CCNG1: variants seen among roughly 807,000 people sequenced by gnomAD.
CCNG1 encodes the protein cyclin-G1.
In CCNG1, 13 loss-of-function variants were observed where a neutral mutation model predicts 30.0. The observed-to-expected ratio is 0.43, with a 90% CI of 0.28 to 0.69. The LOEUF is 0.69. Ranked by LOEUF, CCNG1 falls within the 30% of genes least tolerant of loss-of-function variation. The probability of loss-of-function intolerance (pLI) is 0.16; values close to 1 mark genes in which losing one functional copy is unlikely to be tolerated. For missense variants in CCNG1, 285 were observed against 331.4 expected (o/e 0.86, Z 1.09); for synonymous variants, 110 against 121.5 (o/e 0.91, Z 0.62).
At position 163,437,726 on chromosome 5, in the gene CCNG1, C is replaced by G. The variant is rs1307906821; in HGVS notation, c.-79C>G. ...ACGAGTCCCCTCTCCTCGTAGGCCT[C>G]TCGGATCTGATATCGTGGGGTGAGG... On this transcript the variant is annotated 5_prime_UTR_variant, in exon 1 of 7. Transcript: ENST00000340828. 6.6e-6 allele frequency: 1 copy of G among 152,370 alleles called. No individual in the cohort carries two copies. The highest frequency in any genetic ancestry group is 1.5e-5 in the Non-Finnish European group (1 of 68,204). 9.4% of individuals were successfully genotyped at this position (152,370 alleles called of 1,614,324 possible). A position where few individuals can be genotyped will look rare whatever the true frequency, so the allele number is the denominator to read the frequency against.
chr5:163,442,253 G>T (rs1020933951), intron 5 of CCNG1, 110 bp downstream of exon 5: 2 of 1,076,014 alleles, frequency 1.9e-6, no homozygotes, highest in Non-Finnish European at 2.7e-6. Flanking sequence ...AACTTAAGTA[G>T]CTATCCTCAA....
At chr5:163,447,956 A>G (rs1758080922), downstream of CCNG1, 2 of 152,172 alleles carry the variant, frequency 1.3e-5, no homozygotes, top group Non-Finnish European at 2.9e-5. Flanking sequence ...TTTACTAAAC[A>G]AGAAAAAGTT....
At chr5:163,441,998 T>A (rs767941684) in intron 4 of CCNG1, 34 bp downstream of exon 4, 1 of 1,580,428 alleles carries the variant, frequency 6.3e-7, no homozygotes, top group Non-Finnish European at 8.7e-7. Flanking sequence ...CCTATTGATA[T>A]GATCTGTTTT....
At chr5:163,457,120 T>G in the CCNG1 span, 63 of 1,530,176 alleles carry the variant, frequency 4.1e-5, no homozygotes, top group Non-Finnish European at 5.4e-5. Context: ...ACAAATAAAT[T>G]AGAGTTCTTC....
chr5:163,455,683 G>T, the CCNG1 span, among the ~76,000 whole-genome samples: 1 of 150,962 alleles, frequency 6.6e-6, no homozygotes, highest in African/African-American at 2.4e-5. Flanking sequence ...AGACTGGCGG[G>T]AATCCGGGAG....
rs1226407354 is a variant in CCNG1 at position 163,439,359 on chromosome 5, A to G, written c.103A>G (p.Arg35Gly). 1.2e-6 allele frequency: 2 copies of G among 1,614,064 alleles called. No homozygotes were observed. The highest frequency in any genetic ancestry group is 1.7e-6 in the Non-Finnish European group (2 of 1,180,032). Residue 35 changes from arginine (R) to glycine (G), a missense_variant, in exon 2 of 7, where the codon AGA becomes GGA. Arg to Gly is a moderately radical substitution (Grantham distance 125). Coordinates refer to ENST00000340828, the MANE Select transcript of CCNG1 (RefSeq NM_004060.4). ...ATGTCAGCCAAAGGTCTGTGGTTTGAGACTAATTGAGTCTGCACACGATAA... is the reference window on the plus strand; with the variant it reads ...ATGTCAGCCAAAGGTCTGTGGTTTGGGACTAATTGAGTCTGCACACGATAA... ...SRCQPKVCGL[R>G]LIESAHDNGL...
At chr5:163,448,844 C>T (rs1014134924), downstream of CCNG1, 2 of 152,112 alleles carry the variant, frequency 1.3e-5, no homozygotes, top group African/African-American at 4.8e-5. Context: ...ATGATTTTAA[C>T]AGTCTAAACA....
chr5:163,440,709 A>C (rs551921006), intron 2 of CCNG1, among the ~76,000 whole-genome samples: 2 of 152,310 alleles, frequency 1.3e-5, no homozygotes, highest in East Asian at 3.9e-4. Context: ...GAAATGGCTT[A>C]TTTTGTAAAT....
At position 163,441,106 on chromosome 5, in the gene CCNG1, G is replaced by C; in HGVS notation, c.293G>C (p.Gly98Ala). The change falls in exon 3 of 7, where the codon GGA becomes GCA. Residue 98 changes from glycine to alanine, a missense_variant. Gly to Ala is a moderately conservative substitution (Grantham distance 60). Coordinates refer to ENST00000340828, the MANE Select transcript of CCNG1 (RefSeq NM_004060.4). The stretch of plus-strand genomic sequence containing the variant: ...CAGCCCAAGCACCTTGGGTGTGTTG[G>C]ACTGAGCTGCTTTTATTTGGCTGTA... ...KVQPKHLGCV[G>A]LSCFYLAVKS... The C allele has an allele frequency of 6.2e-7, 1 of 1,613,910 alleles. No individual in the cohort carries two copies. Among genetic ancestry groups the C allele is most frequent in the Non-Finnish European group, 8.5e-7 (1 of 1,179,866 alleles).
the CCNG1 span, chr5:163,453,572 A>T: frequency 6.5e-6 from 1 of 153,486 alleles, no homozygotes; most frequent in African/African-American, 2.4e-5. Context: ...AAAGGGGTAC[A>T]CAATTCCTAT....
At chr5:163,457,089 AAAAC>A in the CCNG1 span, 1 of 1,589,298 alleles carries the variant, frequency 6.3e-7, no homozygotes. Flanking sequence ...CTCTAAAAAA[AAAAC>A]ACACACACAC....
At chr5:163,438,933 G>A (rs1330763714) in intron 1 of CCNG1, among the ~76,000 whole-genome samples, 1 of 151,892 alleles carries the variant, frequency 6.6e-6, no homozygotes, top group Non-Finnish European at 1.5e-5. Context: ...GGCTGAGGCA[G>A]GAGAATCGCT....
At chr5:163,457,091 A>AAC in the CCNG1 span, 436 of 1,490,372 alleles carry the variant, frequency 2.9e-4, no homozygotes, top group Middle Eastern at 3.6e-4. Context: ...CTAAAAAAAA[A>AAC]ACACACACAC....
chr5:163,443,817 C>T lies in CCNG1; in HGVS notation c.*147C>T. The T allele has an allele frequency of 3.7e-6, 3 of 807,440 alleles. No individual in the cohort carries two copies. The allele number at this position is 807,440 out of a possible 1,614,324, so 50.0% of individuals were successfully genotyped here. ...GATGGTCTCAGACTTGGGAAAACTG[C>T]CTAATATTATGCTGTAGTGGAATTA... On this transcript the variant is annotated 3_prime_UTR_variant, in exon 7 of 7. Coordinates refer to ENST00000340828, the MANE Select transcript of CCNG1 (RefSeq NM_004060.4).
At position 163,441,243 on chromosome 5, in the gene CCNG1, A is replaced by G; in HGVS notation, c.430A>G (p.Lys144Glu). 1 of 1,613,960 alleles carries G rather than the reference A, an allele frequency of 6.2e-7. No individual in the cohort carries two copies. Among genetic ancestry groups the G allele is most frequent in the East Asian group, 2.2e-5 (1 of 44,870 alleles). Residue 144 changes from lysine to glutamate, a missense_variant, in exon 3 of 7, where the codon AAG becomes GAG. Transcript: ENST00000340828. ...LMRMEKIVLE[K>E]VCWKVKATTA... Reference sequence around the variant, plus strand: ...GAGAATGGAAAAGATTGTATTGGAGAAGGTGTGTTGGAAAGTCAAAGCTAC... The same window carrying G: ...GAGAATGGAAAAGATTGTATTGGAGGAGGTGTGTTGGAAAGTCAAAGCTAC...
Position 163,442,813 on chromosome 5 carries a change from G to A in CCNG1, c.*3+245G>A, listed in dbSNP as rs17881803. 9.6e-3 allele frequency among the ~76,000 whole-genome samples: 1,459 copies of A among 152,194 alleles called. 29 individuals are homozygous for A. The highest frequency in any genetic ancestry group is 0.034 in the African/African-American group (1,391 of 41,518). On this transcript the variant is annotated intron_variant, in intron 6 of 6. Coordinates refer to ENST00000340828, the MANE Select transcript of CCNG1 (RefSeq NM_004060.4). Reference sequence around the variant, plus strand: ...CGTTAGCCATTTCATTAAATTTTCAGCTTAGAGAACAGCATCCTCCTTGTA... The same window carrying A: ...CGTTAGCCATTTCATTAAATTTTCAACTTAGAGAACAGCATCCTCCTTGTA...
rs1211478188 is a variant in CCNG1 at position 163,441,230 on chromosome 5, G to C, written c.417G>C (p.Lys139Asn). ...TTTCAGACTTGATGAGAATGGAAAA[G>C]ATTGTATTGGAGAAGGTGTGTTGGA... is the stretch of plus-strand genomic sequence containing the variant. ...FTVSDLMRME[K>N]IVLEKVCWKV... Residue 139 changes from lysine (K) to asparagine (N), a missense_variant, in exon 3 of 7, where the codon AAG becomes AAC. By Grantham distance (94) the Lys-to-Asn change is moderately conservative. Transcript: ENST00000340828. 6.2e-7 allele frequency: 1 copy of C among 1,614,030 alleles called. No individual in the cohort carries two copies. Among genetic ancestry groups the C allele is most frequent in the Admixed American group, 1.7e-5 (1 of 60,018 alleles).
intron 2 of CCNG1, 132 bp downstream of exon 2, chr5:163,439,652 T>G: frequency 1.5e-6 from 1 of 682,858 alleles, no homozygotes; most frequent in Admixed American, 2.8e-5. Flanking sequence ...TTTTGTCTAC[T>G]ACAGCATTAA....
chr5:163,453,421 T>TA, the CCNG1 span: 1 of 152,462 alleles, frequency 6.6e-6, no homozygotes, highest in Non-Finnish European at 1.5e-5. Flanking sequence ...CTTCTTGACA[T>TA]AAAGTAATCC....
Sources: allele counts gnomAD v4.1 joint callset (sites outside exome capture counted in the v4.1 genomes callset), GRCh38; gene constraint gnomAD v4.1.1; transcripts MANE v1.5; gene names NCBI Gene and HGNC (gene_info 2026-07-23, HGNC 2026-07-21).